CLPSL1: variants seen among roughly 807,000 people sequenced by gnomAD.
CLPSL1 encodes colipase like 1.
A neutral mutation model predicts 9.3 loss-of-function variants in CLPSL1; 13 were observed. The ratio of observed to expected loss-of-function variants is 1.40; its 90% CI spans 0.91 to 2.22. The LOEUF (loss-of-function observed/expected upper bound fraction) is 2.22, where lower values mean the gene tolerates loss of function less well. Ranked by LOEUF, CLPSL1 falls within the 30% of genes most tolerant of loss-of-function variation. The probability of loss-of-function intolerance (pLI) is 0.00; values close to 1 mark genes in which losing one functional copy is unlikely to be tolerated. For synonymous variants in CLPSL1, 58 were observed against 56.9 expected (o/e 1.02, Z -0.08); for missense variants, 164 against 146.6 (o/e 1.12, Z -0.61).
At chr6:35,793,532 G>A (rs574520535) in exon 2 of CLPSL1, 7 of 471,728 alleles carry the variant, frequency 1.5e-5, no homozygotes, top group Admixed American at 4.7e-5. Context: ...CGGTGAGAAC[G>A]TGAAGTCATG....
intron 1 of CLPSL1, among the ~76,000 whole-genome samples, chr6:35,785,217 A>T (rs975561403): frequency 5.6e-5 from 7 of 126,032 alleles, no homozygotes; most frequent in Non-Finnish European, 1.1e-4. Flanking sequence ...TCGCTTTGTC[A>T]CCCAGGCTGG....
chr6:35,785,285 C>T (rs1423606900), intron 1 of CLPSL1, among the ~76,000 whole-genome samples: 1 of 149,814 alleles, frequency 6.7e-6, no homozygotes, highest in Non-Finnish European at 1.5e-5. Flanking sequence ...TCACGCCATT[C>T]TCCTGCCTCA....
Position 35,787,959 on chromosome 6 carries a change from C to T in CLPSL1, c.315C>T (p.Gly105=). Residue 105 remains glycine, a synonymous_variant, in exon 3 of 3, where the codon GGC becomes GGT. Transcript: ENST00000373861. Reference sequence around the variant, plus strand: ...AGAAATGGCTTAGCATCGCCTATGGCCGTTGTCAGAAAATTGGAAGGCAGA... The same window carrying T: ...AGAAATGGCTTAGCATCGCCTATGGTCGTTGTCAGAAAATTGGAAGGCAGA... ...KNEKWLSIAY[G]RCQKIGRQKL... 1.9e-6 allele frequency: 3 copies of T among 1,613,524 alleles called. No homozygotes were observed. Among genetic ancestry groups the T allele is most frequent in the Non-Finnish European group, 2.5e-6 (3 of 1,179,398 alleles).
chr6:35,787,913 C>A lies in CLPSL1; in HGVS notation c.269C>A (p.Thr90Asn). The change falls in exon 3 of 3, where the codon ACT becomes AAT. Residue 90 changes from threonine (T) to asparagine (N), a missense_variant. By Grantham distance (65) the Thr-to-Asn change is moderately conservative. Coordinates refer to ENST00000373861, the MANE Select transcript of CLPSL1 (RefSeq NM_001010886.5). ...GCGTGTCCCTGCCTGCGGAACCTGA[C>A]TTGTATATATTCAAAGAATGAGAAA... ...YRACPCLRNLTCIYSKNEKWL... is the reference protein window; with the variant it reads ...YRACPCLRNLNCIYSKNEKWL... 1.2e-6 allele frequency: 2 copies of A among 1,608,746 alleles called. No individual in the cohort carries two copies. The highest frequency in any genetic ancestry group is 8.5e-7 in the Non-Finnish European group (1 of 1,175,174).
downstream of CLPSL1, among the ~76,000 whole-genome samples, chr6:35,792,894 T>A (rs1448881547): frequency 6.6e-6 from 1 of 152,270 alleles, no homozygotes; most frequent in African/African-American, 2.4e-5. Flanking sequence ...CTCCTCTTGT[T>A]GAGCACATAA....
At chr6:35,789,084 T>C (rs1768143484), downstream of CLPSL1, among the ~76,000 whole-genome samples, 2 of 152,252 alleles carry the variant, frequency 1.3e-5, no homozygotes, top group South Asian at 4.1e-4. Flanking sequence ...TGCTGTCCTG[T>C]ACTAAATGTA....
At chr6:35,784,439 C>T (rs773027104) in intron 1 of CLPSL1, among the ~76,000 whole-genome samples, 4 of 152,190 alleles carry the variant, frequency 2.6e-5, no homozygotes, top group Non-Finnish European at 5.9e-5. Context: ...CACTTCCCGT[C>T]ATGGCCTGAA....
chr6:35,783,834 T>C (rs9380535), intron 1 of CLPSL1, among the ~76,000 whole-genome samples: 82,002 of 149,008 alleles, frequency 0.55, 22,926 homozygotes, highest in Middle Eastern at 0.62. Flanking sequence ...AAAATCTGAC[T>C]TATTTTGCTC....
At chr6:35,787,798 C>T in intron 2 of CLPSL1, 69 bp from the exon 3 acceptor site, 1 of 1,484,532 alleles carries the variant, frequency 6.7e-7, no homozygotes, top group Non-Finnish European at 9.3e-7. Context: ...TGGAGCTGGG[C>T]TGGGCTGGGC....
chr6:35,784,256 A>C (rs1274729087), intron 1 of CLPSL1, among the ~76,000 whole-genome samples: 3 of 152,216 alleles, frequency 2.0e-5, no homozygotes, highest in Non-Finnish European at 4.4e-5. Context: ...TATTATCAGC[A>C]GAAGGGAATG....
chr6:35,790,947 G>A (rs1768173653), downstream of CLPSL1, among the ~76,000 whole-genome samples: 1 of 152,170 alleles, frequency 6.6e-6, no homozygotes, highest in Non-Finnish European at 1.5e-5. Flanking sequence ...AGGAGGCTGA[G>A]GCAGGAGGAT....
At chr6:35,786,976 G>A (rs759176979) in intron 1 of CLPSL1, 22 bp from the exon 2 acceptor site, 9 of 1,561,720 alleles carry the variant, frequency 5.8e-6, no homozygotes, top group East Asian at 2.4e-5. Context: ...GGAGCCTGGC[G>A]GTGCCGTGTC....
In CLPSL1 at chr6:35,788,099, AC is replaced by A; in HGVS notation, c.*91del. 1 of 959,888 alleles carries A rather than the reference AC, an allele frequency of 1.0e-6. No homozygotes were observed. Among genetic ancestry groups the A allele is most frequent in the Non-Finnish European group, 1.6e-6 (1 of 635,786 alleles). 59.5% of individuals were successfully genotyped at this position (959,888 alleles called of 1,614,324 possible). A position where few individuals can be genotyped will look rare whatever the true frequency, so the allele number is the denominator to read the frequency against. On this transcript the variant is annotated 3_prime_UTR_variant, in exon 3 of 3. Transcript: ENST00000373861. ...GTTCACCCTGTTCCCCAGAGCCTCC[AC>A]CATGAGTGGAGGGAAGTGGGGAGTG...
chr6:35,788,036 C>A lies in CLPSL1; in HGVS notation c.*26C>A. ...TGCTCCCTCCTTCTTGCTGCCTCCT[C>A]CTCCTCCACCTGCTCTCCTCCCTAC... On this transcript the variant is annotated 3_prime_UTR_variant, in exon 3 of 3. Coordinates refer to ENST00000373861, the MANE Select transcript of CLPSL1 (RefSeq NM_001010886.5). 1 of 1,550,962 alleles carries A rather than the reference C, an allele frequency of 6.4e-7. No individual in the cohort carries two copies. The highest frequency in any genetic ancestry group is 8.9e-7 in the Non-Finnish European group (1 of 1,123,836).
At position 35,781,645 on chromosome 6, in the gene CLPSL1, A is replaced by G. The variant is rs1561938865; in HGVS notation, c.99+436A>G. Among the ~76,000 whole-genome samples the G allele has an allele frequency of 2.0e-5, 3 of 152,106 alleles. No individual in the cohort carries two copies. In the South Asian group the frequency reaches 6.2e-4, roughly 32 times the overall value. ...CATTACAATAGATGCTATTAATAAT[A>G]GCATCTATCTCAGGTGATAAGCAAG... is the stretch of plus-strand genomic sequence containing the variant. On this transcript the variant is annotated intron_variant, in intron 1 of 2. Coordinates refer to ENST00000373861, the MANE Select transcript of CLPSL1 (RefSeq NM_001010886.5).
At chr6:35,787,419 A>G (rs1768105142) in intron 2 of CLPSL1, among the ~76,000 whole-genome samples, 1 of 152,268 alleles carries the variant, frequency 6.6e-6, no homozygotes, top group African/African-American at 2.4e-5. Context: ...AGTACAGTAA[A>G]TGGGCACAGC....
intron 2 of CLPSL1, 103 bp from the exon 3 acceptor site, chr6:35,787,764 G>T: frequency 9.0e-7 from 1 of 1,107,098 alleles, no homozygotes; most frequent in Non-Finnish European, 1.3e-6. Context: ...CCTGGATCCT[G>T]GCTGTGGGCA....
chr6:35,788,304 C>T (rs753218382), downstream of CLPSL1, among the ~76,000 whole-genome samples: 1 of 152,230 alleles, frequency 6.6e-6, no homozygotes, highest in Non-Finnish European at 1.5e-5. Context: ...ATGAAAGTCC[C>T]CCAGAAGAGA....
intron 1 of CLPSL1, 52 bp from the exon 2 acceptor site, chr6:35,786,946 G>A (rs1290111497): frequency 1.7e-5 from 27 of 1,544,296 alleles, no homozygotes; most frequent in Non-Finnish European, 2.3e-5. Flanking sequence ...GCGGGGCGGC[G>A]AGGGCGGAAG....
Sources: gnomAD v4.1 joint callset for allele counts (sites outside exome capture counted in the v4.1 genomes callset) on GRCh38, gnomAD v4.1.1 for gene constraint, MANE v1.5 for transcripts, NCBI Gene and HGNC (gene_info 2026-07-23, HGNC 2026-07-21) for gene names.